Variants in IGSF9B observed in about 807,000 individuals in gnomAD.
IGSF9B encodes protein turtle homolog B.
In IGSF9B, 48 loss-of-function variants were observed where a neutral mutation model predicts 143.7. The ratio of observed to expected loss-of-function variants is 0.33; its 90% CI spans 0.26 to 0.42. IGSF9B has a LOEUF of 0.42. Ranked by LOEUF, IGSF9B falls within the 20% of genes least tolerant of loss-of-function variation. The probability of loss-of-function intolerance (pLI) is 1.00; values close to 1 mark genes in which losing one functional copy is unlikely to be tolerated. For missense variants in IGSF9B, 1,706 were observed against 1,980.0 expected, an observed-to-expected ratio of 0.86 and a Z score of 2.63; for synonymous variants, 903 against 833.1, an observed-to-expected ratio of 1.08 and a Z score of -1.44.
rs758104266 is a variant in IGSF9B, at chr11:133,932,169, C to T, written c.1012G>A (p.Val338Met). 2 of 1,602,438 alleles carry T rather than the reference C, an allele frequency of 1.2e-6. No homozygotes were observed. Among genetic ancestry groups the T allele is most frequent in the South Asian group, 1.1e-5 (1 of 89,266 alleles). ...CAGCGGATGTAGCCATGGATCCCCA[C>T]GGGCACGTAAATCACAGGGGGCATG... ...LNMPPVIYVP[V>M]GIHGYIRCPV... Residue 338 changes from valine (V) to methionine (M), a missense_variant, in exon 8 of 20, where the codon GTG (valine) becomes ATG (methionine). This residue lies in a region of IGSF9B where 238 missense variants were observed against 452.6 expected (regional missense o/e 0.53). Coordinates refer to ENST00000533871, the MANE Select transcript of IGSF9B (RefSeq NM_001277285.4).
rs1410278545 is a variant in IGSF9B at position 133,924,938 on chromosome 11, G to A, written c.2035-34C>T. 1.9e-6 allele frequency: 3 copies of A among 1,587,582 alleles called. No homozygotes were observed. The East Asian group carries it at 6.7e-5, about 35-fold the overall frequency. ...CCAGGGACAATACCCAGTCAGCCGA[G>A]GGACCTGAGATGACCACTGTCCCCT... On this transcript the variant is annotated intron_variant, in intron 14 of 19. Transcript: ENST00000533871.
chr11:133,936,184 G>A lies in IGSF9B; in HGVS notation c.690C>T (p.Phe230=), dbSNP rs755167519. Residue 230 remains phenylalanine (F), a synonymous_variant, in exon 6 of 20, where the codon TTC becomes TTT. Coordinates refer to ENST00000533871, the MANE Select transcript of IGSF9B (RefSeq NM_001277285.4). ...TTHLLVQGPP[F]IVSPPENITV... ...TGATGTTCTCAGGAGGGGAGACGAT[G>A]AAAGGGGGCCCTGGGGAGAGCAGGG... The A allele has an allele frequency of 1.9e-6, 3 of 1,610,318 alleles. No individual in the cohort carries two copies. Among genetic ancestry groups the A allele is most frequent in the Non-Finnish European group, 2.5e-6 (3 of 1,178,480 alleles).
chr11:133,932,462 G>A (rs913474012), intron 7 of IGSF9B, among the ~76,000 whole-genome samples: 1 of 139,080 alleles, frequency 7.2e-6, no homozygotes, highest in African/African-American at 2.7e-5. Context: ...CACAGGGACA[G>A]ACAGACAGAC....
rs934715900 is a variant in IGSF9B, at chr11:133,896,809, C to T, written c.*12260G>A. The T allele has an allele frequency of 1.2e-4, 18 of 152,228 alleles. No homozygotes were observed. The highest frequency in any genetic ancestry group is 4.1e-4 in the African/African-American group (17 of 41,442). The allele number at this position is 152,228 out of a possible 1,614,324, so 9.4% of individuals were successfully genotyped here. A position where few individuals can be genotyped will look rare whatever the true frequency, so the allele number is the denominator to read the frequency against. On this transcript the variant is annotated 3_prime_UTR_variant, in exon 20 of 20. Coordinates refer to ENST00000533871, the MANE Select transcript of IGSF9B (RefSeq NM_001277285.4). ...GGGGTGTCACTCCATTTTTGACTGC[C>T]AAGTCAAAGGACAAAGGGATCACCA...
chr11:133,947,109 G>A (rs1023701480), intron 1 of IGSF9B, among the ~76,000 whole-genome samples: 1 of 152,104 alleles, frequency 6.6e-6, no homozygotes, highest in South Asian at 2.1e-4. Context: ...TGGCAGCAGA[G>A]AGGGCGAGCA....
Position 133,900,338 on chromosome 11 carries a change from G to C in IGSF9B, c.*8731C>G, listed in dbSNP as rs1214749894. 6.5e-6 allele frequency: 1 copy of C among 152,792 alleles called. No homozygotes were observed. Among genetic ancestry groups the C allele is most frequent in the Non-Finnish European group, 1.5e-5 (1 of 68,094 alleles). 9.5% of individuals were successfully genotyped at this position (152,792 alleles called of 1,614,324 possible). On this transcript the variant is annotated 3_prime_UTR_variant, in exon 20 of 20. Transcript: ENST00000533871. ...GCCTGCACCATCTGGCCCAGCACCA[G>C]CTTCAAATACATCACTCCGAGCTCC...
In IGSF9B at chr11:133,932,060, C is replaced by CA. The variant is rs2121312082; in HGVS notation, c.1110+10_1110+11insT. The CA allele has an allele frequency of 6.2e-7, 1 of 1,602,926 alleles. No individual in the cohort carries two copies. The highest frequency in any genetic ancestry group is 8.5e-7 in the Non-Finnish European group (1 of 1,171,998). Reference sequence around the variant, plus strand: ...CCTCACTCCAACCCTCAACATGCATCTCTCTAGCACCTTCTCAACCTGCAG... The same window carrying CA: ...CCTCACTCCAACCCTCAACATGCATCATCTCTAGCACCTTCTCAACCTGCAG... On this transcript the variant is annotated intron_variant, in intron 8 of 19. Transcript: ENST00000533871.
In IGSF9B at chr11:133,903,532, C is replaced by G. The variant is rs1328675572; in HGVS notation, c.*5537G>C. Among the ~76,000 whole-genome samples the G allele has an allele frequency of 6.6e-6, 1 of 152,192 alleles. No homozygotes were observed. The highest frequency in any genetic ancestry group is 2.4e-5 in the African/African-American group (1 of 41,446). On this transcript the variant is annotated 3_prime_UTR_variant, in exon 20 of 20. Coordinates refer to ENST00000533871, the MANE Select transcript of IGSF9B (RefSeq NM_001277285.4). ...GGCAACCAAGATACCCAGACTCTTC[C>G]TTCTCTAAGATGTGAGCAGCCATTA...
intron 1 of IGSF9B, among the ~76,000 whole-genome samples, chr11:133,949,492 GA>G (rs897648397): frequency 2.6e-5 from 4 of 152,164 alleles, no homozygotes; most frequent in African/African-American, 7.2e-5. Flanking sequence ...AGGGAAGATG[GA>G]GGATAGATAG....
rs71038546 is a variant in IGSF9B, at chr11:133,948,056, C to CGTGTGTGTGTGTGTGTGTGT, written c.65-1818_65-1799dup. 6.8e-6 allele frequency among the ~76,000 whole-genome samples: 1 copy of CGTGTGTGTGTGTGTGTGTGT among 147,184 alleles called. No homozygotes were observed. Among genetic ancestry groups the CGTGTGTGTGTGTGTGTGTGT allele is most frequent in the African/African-American group, 2.6e-5 (1 of 39,072 alleles). Reference sequence around the variant, plus strand: ...CTGTTTCTGTCTACCAGCATGTGTGCGTGTGTGTGTGTGTGTGTGTGTGTG... The same window carrying CGTGTGTGTGTGTGTGTGTGT: ...CTGTTTCTGTCTACCAGCATGTGTGCGTGTGTGTGTGTGTGTGTGTGTGTGTGTGTGTGTGTGTGTGTGTG... On this transcript the variant is annotated intron_variant, in intron 1 of 19. Coordinates refer to ENST00000533871, the MANE Select transcript of IGSF9B (RefSeq NM_001277285.4). This position sits in a 1 kb window ranked among gnomAD's most constrained non-coding sequence, Gnocchi z 4.7.
At position 133,945,168 on chromosome 11, in the gene IGSF9B, G is replaced by C. The variant is rs962776475; in HGVS notation, c.263-802C>G. Among the ~76,000 whole-genome samples the C allele has an allele frequency of 2.6e-5, 4 of 152,098 alleles. No homozygotes were observed. The highest frequency in any genetic ancestry group is 1.5e-5 in the Non-Finnish European group (1 of 68,006). Reference sequence around the variant, plus strand: ...GCAGGGTGGAGCAGCCCTCGAGGTCGGCCCACCTCACCCGCTCTTAGCTCA... The same window carrying C: ...GCAGGGTGGAGCAGCCCTCGAGGTCCGCCCACCTCACCCGCTCTTAGCTCA... On this transcript the variant is annotated intron_variant, in intron 2 of 19. Coordinates refer to ENST00000533871, the MANE Select transcript of IGSF9B (RefSeq NM_001277285.4). This position sits in a 1 kb window ranked among gnomAD's most constrained non-coding sequence, Gnocchi z 4.6.
At position 133,902,302 on chromosome 11, in the gene IGSF9B, GCACACCACAGATACACA is replaced by G. The variant is rs1939146774; in HGVS notation, c.*6750_*6766del. The stretch of plus-strand genomic sequence containing the variant: ...CACACCAGACACATCACACATACAC[GCACACCACAGATACACA>G]CACACCATACCACACACACCCCACA... On this transcript the variant is annotated 3_prime_UTR_variant, in exon 20 of 20. Coordinates refer to ENST00000533871, the MANE Select transcript of IGSF9B (RefSeq NM_001277285.4). Among the ~76,000 whole-genome samples the G allele has an allele frequency of 2.0e-5, 2 of 100,556 alleles. No homozygotes were observed. Among genetic ancestry groups the G allele is most frequent in the Admixed American group, 2.0e-4 (2 of 10,084 alleles). 66.0% of individuals were successfully genotyped at this position (100,556 alleles called of 152,430 possible).
In IGSF9B at chr11:133,911,888, G is replaced by T. The variant is rs184970620; in HGVS notation, c.4103C>A (p.Ser1368Tyr). 2.4e-5 allele frequency: 37 copies of T among 1,527,836 alleles called. No individual in the cohort carries two copies. In the African/African-American group the frequency reaches 4.0e-4, roughly 16 times the overall value. 94.6% of individuals were successfully genotyped at this position (1,527,836 alleles called of 1,614,324 possible). A position where few individuals can be genotyped will look rare whatever the true frequency, so the allele number is the denominator to read the frequency against. Residue 1368 changes from serine to tyrosine, a missense_variant and splice_region_variant, in exon 19 of 20, where the codon TCC becomes TAC. Physicochemically the swap from Ser to Tyr is moderately radical, Grantham distance 144. Coordinates refer to ENST00000533871, the MANE Select transcript of IGSF9B (RefSeq NM_001277285.4). Reference protein sequence around the residue: ...SKGSSKSKKRSDDSASQTQQL... With the variant: ...SKGSSKSKKRYDDSASQTQQL... ...GCGGGCCACTGCCCATCATTTACCG[G>T]ATCGTTTCTTTGACTTCGAAGAGCC...
At chr11:133,940,061 CATAT>C (rs1939903431) in intron 3 of IGSF9B, among the ~76,000 whole-genome samples, 1 of 118,746 alleles carries the variant, frequency 8.4e-6, no homozygotes, top group African/African-American at 2.7e-5. Context: ...CACGTGTCAT[CATAT>C]ACAGAAACAT....
chr11:133,908,992 G>T lies in IGSF9B; in HGVS notation c.*77C>A. 1 of 1,277,766 alleles carries T rather than the reference G, an allele frequency of 7.8e-7. No homozygotes were observed. The allele number at this position is 1,277,766 out of a possible 1,614,324, so 79.2% of individuals were successfully genotyped here. ...TGGGCCGCCCTTGGCAGACGGAGGA[G>T]GACACACCCCCACACAGTGGCCCTC... On this transcript the variant is annotated 3_prime_UTR_variant, in exon 20 of 20. Coordinates refer to ENST00000533871, the MANE Select transcript of IGSF9B (RefSeq NM_001277285.4).
chr11:133,950,635 CA>C (rs1250520308), intron 1 of IGSF9B, among the ~76,000 whole-genome samples: 1 of 152,206 alleles, frequency 6.6e-6, no homozygotes, highest in Non-Finnish European at 1.5e-5. Context: ...CAGAGGTCGG[CA>C]ACTCCAACCC....
At chr11:133,951,161 A>C (rs919980866) in intron 1 of IGSF9B, among the ~76,000 whole-genome samples, 1 of 152,152 alleles carries the variant, frequency 6.6e-6, no homozygotes, top group Non-Finnish European at 1.5e-5. Flanking sequence ...GCGAACACCC[A>C]GAAAGGACGA....
chr11:133,921,656 G>C (rs1591712748), intron 17 of IGSF9B, among the ~76,000 whole-genome samples: 1 of 151,794 alleles, frequency 6.6e-6, no homozygotes, highest in South Asian at 2.1e-4. Flanking sequence ...TCCTGCCTCA[G>C]CCTCCCAAAG....
rs557363561 is a variant in IGSF9B, at chr11:133,907,289, T to C, written c.*1780A>G. Among the ~76,000 whole-genome samples the C allele has an allele frequency of 9.2e-5, 14 of 152,160 alleles. No individual in the cohort carries two copies. The highest frequency in any genetic ancestry group is 9.2e-4 in the Admixed American group (14 of 15,294). On this transcript the variant is annotated 3_prime_UTR_variant, in exon 20 of 20. Coordinates refer to ENST00000533871, the MANE Select transcript of IGSF9B (RefSeq NM_001277285.4). ...CACAGAAGAAGTCCATCCCCTAAGA[T>C]GGAAACGCCAAGAAGAGACAGCAGC...
Sources: gnomAD v4.1 joint callset for allele counts (sites outside exome capture counted in the v4.1 genomes callset) on GRCh38, gnomAD v4.1.1 for gene constraint, gnomAD v4.1.1 regional missense constraint, Gnocchi (gnomAD v3.1) non-coding constraint, MANE v1.5 for transcripts, NCBI Gene and HGNC (gene_info 2026-07-23, HGNC 2026-07-21) for gene names.